Variants in PCDHB5 observed in about 807,000 individuals in gnomAD.
The protein encoded by PCDHB5 is protocadherin beta 5, also known as protocadherin beta-5.
For missense variants in PCDHB5, 1,125 were observed against 1,029.4 expected, an observed-to-expected ratio of 1.09 and a Z score of -1.27; for synonymous variants, 569 against 462.2, an observed-to-expected ratio of 1.23 and a Z score of -2.96.
chr5:141,136,766 T>A lies in PCDHB5; in HGVS notation c.1332T>A (p.Asn444Lys). The change falls in exon 1 of 1, where the codon AAT becomes AAA. Residue 444 changes from asparagine (N) to lysine (K), a missense_variant. Asn to Lys is a moderately conservative substitution (Grantham distance 94, BLOSUM62 0). Transcript: ENST00000231134. ...TAACGGTCCTGGTCTCCGACGTCAATGACAACGCCCCCGCCTTCACCCAAA... is the reference window on the plus strand; with the variant it reads ...TAACGGTCCTGGTCTCCGACGTCAAAGACAACGCCCCCGCCTTCACCCAAA... ...HNITVLVSDV[N>K]DNAPAFTQTS... The A allele has an allele frequency of 6.2e-7, 1 of 1,613,984 alleles. No homozygotes were observed. The highest frequency in any genetic ancestry group is 8.5e-7 in the Non-Finnish European group (1 of 1,180,016).
rs915825027 is a variant in PCDHB5 at position 141,135,422 on chromosome 5, C to A, written c.-13C>A. 2.2e-5 allele frequency: 34 copies of A among 1,563,092 alleles called. No homozygotes were observed. Among genetic ancestry groups the A allele is most frequent in the Non-Finnish European group, 2.9e-5 (33 of 1,152,356 alleles). Reference sequence around the variant, plus strand: ...ACGGAGTTAAACTGCGCCTTCTGGACCGGGTCTGAACAATGGAGACTGCGC... The same window carrying A: ...ACGGAGTTAAACTGCGCCTTCTGGAACGGGTCTGAACAATGGAGACTGCGC... On this transcript the variant is annotated 5_prime_UTR_variant, in exon 1 of 1. Transcript: ENST00000231134.
At position 141,137,466 on chromosome 5, in the gene PCDHB5, G is replaced by T. The variant is rs1563875730; in HGVS notation, c.2032G>T (p.Ala678Ser). 6.2e-7 allele frequency: 1 copy of T among 1,612,510 alleles called. No homozygotes were observed. Residue 678 changes from alanine to serine, a missense_variant, in exon 1 of 1, where the codon GCC becomes TCC. Ala to Ser is a moderately conservative substitution (Grantham distance 99). Transcript: ENST00000231134. Reference protein sequence around the residue: ...PYLPLPEAAPAQAQADSLTVY... With the variant: ...PYLPLPEAAPSQAQADSLTVY... ...CCTGCCGCTGCCGGAGGCGGCCCCG[G>T]CCCAGGCCCAGGCCGACTCGCTCAC...
chr5:141,135,206 A>G lies in PCDHB5; in HGVS notation c.-229A>G. 3 of 486,320 alleles carry G rather than the reference A, an allele frequency of 6.2e-6. No individual in the cohort carries two copies. Among genetic ancestry groups the G allele is most frequent in the Non-Finnish European group, 1.1e-5 (3 of 278,624 alleles). The allele number at this position is 486,320 out of a possible 1,614,324, so 30.1% of individuals were successfully genotyped here. ...AGGACGCCTGGTGGCGCTGCAGGCT[A>G]AGAGTGTGGATAGTGGGCTCTGCGG... On this transcript the variant is annotated 5_prime_UTR_variant, in exon 1 of 1. Coordinates refer to ENST00000231134, the MANE Select transcript of PCDHB5 (RefSeq NM_015669.5).
In PCDHB5 at chr5:141,137,756, G is replaced by A; in HGVS notation, c.2322G>A (p.Leu774=). The change falls in exon 1 of 1, where the codon TTG becomes TTA. Residue 774 remains leucine (L), a synonymous_variant. Coordinates refer to ENST00000231134, the MANE Select transcript of PCDHB5 (RefSeq NM_015669.5). ...TGAAGCCGATTATTCCTAACCTTTT[G>A]CCCCAGGGCGCTGGTGAAGAAATAG... is the stretch of plus-strand genomic sequence containing the variant. ...KFLKPIIPNL[L]PQGAGEEIGK... is the part of the protein sequence containing the mutation. The A allele has an allele frequency of 6.2e-7, 1 of 1,614,122 alleles. No homozygotes were observed. The highest frequency in any genetic ancestry group is 8.5e-7 in the Non-Finnish European group (1 of 1,180,000).
rs782527222 is a variant in PCDHB5, at chr5:141,137,095, A to G, written c.1661A>G (p.Asn554Ser). ...GTGCGCGTGCTGGTGCTGGACGCCAACGACAACTCGCCCTTCGTGCTGTAT... is the reference window on the plus strand; with the variant it reads ...GTGCGCGTGCTGGTGCTGGACGCCAGCGACAACTCGCCCTTCGTGCTGTAT... ...ALVRVLVLDA[N>S]DNSPFVLYPL... is the part of the protein sequence containing the mutation. Residue 554 changes from asparagine (N) to serine (S), a missense_variant, in exon 1 of 1, where the codon AAC (asparagine) becomes AGC (serine). Coordinates refer to ENST00000231134, the MANE Select transcript of PCDHB5 (RefSeq NM_015669.5). The G allele has an allele frequency of 2.5e-6, 4 of 1,611,568 alleles. No homozygotes were observed. Among genetic ancestry groups the G allele is most frequent in the Non-Finnish European group, 3.4e-6 (4 of 1,179,628 alleles).
In PCDHB5 at chr5:141,137,758, C is replaced by G; in HGVS notation, c.2324C>G (p.Pro775Arg). The change falls in exon 1 of 1, where the codon CCC becomes CGC. Residue 775 changes from proline (P) to arginine (R), a missense_variant. Coordinates refer to ENST00000231134, the MANE Select transcript of PCDHB5 (RefSeq NM_015669.5). ...AAGCCGATTATTCCTAACCTTTTGC[C>G]CCAGGGCGCTGGTGAAGAAATAGGG... ...FLKPIIPNLL[P>R]QGAGEEIGKT... is the part of the protein sequence containing the mutation. 1 of 1,614,064 alleles carries G rather than the reference C, an allele frequency of 6.2e-7. No homozygotes were observed. Among genetic ancestry groups the G allele is most frequent in the Non-Finnish European group, 8.5e-7 (1 of 1,179,982 alleles).
chr5:141,135,627 C>T lies in PCDHB5; in HGVS notation c.193C>T (p.Arg65Ter), dbSNP rs782077363. The T allele has an allele frequency of 6.2e-7, 1 of 1,613,878 alleles. No homozygotes were observed. Among genetic ancestry groups the T allele is most frequent in the Non-Finnish European group, 8.5e-7 (1 of 1,179,990 alleles). Reference protein sequence around the residue: ...GVGELATRGARMHYKGNKELL... With the variant: ...GVGELATRGA ...GGGGGAACTGGCCACTCGGGGCGCGCGAATGCATTACAAAGGAAACAAAGA... is the reference window on the plus strand; with the variant it reads ...GGGGGAACTGGCCACTCGGGGCGCGTGAATGCATTACAAAGGAAACAAAGA... Residue 65 changes from arginine to a stop codon, truncating the protein, a stop_gained, in exon 1 of 1, where the codon CGA (arginine) becomes TGA (stop). Coordinates refer to ENST00000231134, the MANE Select transcript of PCDHB5 (RefSeq NM_015669.5). LOFTEE classifies it low-confidence loss of function (END_TRUNC).
rs1394121851 is a variant in PCDHB5 at position 141,135,228 on chromosome 5, G to C, written c.-207G>C. The C allele has an allele frequency of 3.7e-6, 2 of 533,434 alleles. No individual in the cohort carries two copies. The highest frequency in any genetic ancestry group is 3.8e-5 in the African/African-American group (2 of 52,764). 33.0% of individuals were successfully genotyped at this position (533,434 alleles called of 1,614,324 possible). On this transcript the variant is annotated 5_prime_UTR_variant, in exon 1 of 1. Coordinates refer to ENST00000231134, the MANE Select transcript of PCDHB5 (RefSeq NM_015669.5). ...GCTAAGAGTGTGGATAGTGGGCTCTGCGGATAACTCAGACGCCATTAAGCT... is the reference window on the plus strand; with the variant it reads ...GCTAAGAGTGTGGATAGTGGGCTCTCCGGATAACTCAGACGCCATTAAGCT...
rs1426430487 is a variant in PCDHB5, at chr5:141,137,683, A to T, written c.2249A>T (p.Tyr750Phe). ...GGGACCCTATCCCAGAGCTACCACTACGAGGTGTGTTTGACCGGAGACTCA... is the reference window on the plus strand; with the variant it reads ...GGGACCCTATCCCAGAGCTACCACTTCGAGGTGTGTTTGACCGGAGACTCA... ...GTGTLSQSYH[Y>F]EVCLTGDSGA... Residue 750 changes from tyrosine to phenylalanine, a missense_variant, in exon 1 of 1, where the codon TAC becomes TTC. By Grantham distance (22) the Tyr-to-Phe change is conservative (BLOSUM62 3). Coordinates refer to ENST00000231134, the MANE Select transcript of PCDHB5 (RefSeq NM_015669.5). 1.2e-6 allele frequency: 2 copies of T among 1,614,074 alleles called. No homozygotes were observed. The highest frequency in any genetic ancestry group is 1.3e-5 in the African/African-American group (1 of 74,948).
rs1301595439 is a variant in PCDHB5 at position 141,138,102 on chromosome 5, T to C, written c.*280T>C. 2 of 346,102 alleles carry C rather than the reference T, an allele frequency of 5.8e-6. No homozygotes were observed. Among genetic ancestry groups the C allele is most frequent in the East Asian group, 1.0e-4 (2 of 19,548 alleles). The allele number at this position is 346,102 out of a possible 1,614,324, so 21.4% of individuals were successfully genotyped here. ...TATTTGTTGTGATAAACCACCTTAA[T>C]AAAATCAAGTATTAATTTTATTTTC... On this transcript the variant is annotated 3_prime_UTR_variant, in exon 1 of 1. Coordinates refer to ENST00000231134, the MANE Select transcript of PCDHB5 (RefSeq NM_015669.5).
At position 141,138,480 on chromosome 5, in the gene PCDHB5, C is replaced by T. The variant is rs1554276381; in HGVS notation, c.*658C>T. On this transcript the variant is annotated 3_prime_UTR_variant, in exon 1 of 1. Transcript: ENST00000231134. ...TGAAGAGAAAATGAAACATCACTGG[C>T]ACCCCAGGTGCCACACAAATTACTC... is the stretch of plus-strand genomic sequence containing the variant. 6.6e-6 allele frequency: 1 copy of T among 152,236 alleles called. No individual in the cohort carries two copies. Among genetic ancestry groups the T allele is most frequent in the Non-Finnish European group, 1.5e-5 (1 of 68,058 alleles). 9.4% of individuals were successfully genotyped at this position (152,236 alleles called of 1,614,324 possible). A position where few individuals can be genotyped will look rare whatever the true frequency, so the allele number is the denominator to read the frequency against.
Position 141,136,634 on chromosome 5 carries a change from C to T in PCDHB5, c.1200C>T (p.Tyr400=). 4 of 1,614,164 alleles carry T rather than the reference C, an allele frequency of 2.5e-6. No homozygotes were observed. The highest frequency in any genetic ancestry group is 1.7e-6 in the Non-Finnish European group (2 of 1,180,038). Reference sequence around the variant, plus strand: ...TGAAGCCCACATTAAAAAACTTTTACACCCTAGTGACACAGAGAACACTGG... The same window carrying T: ...TGAAGCCCACATTAAAAAACTTTTATACCCTAGTGACACAGAGAACACTGG... ...FLLKPTLKNF[Y]TLVTQRTLDR... is the part of the protein sequence containing the mutation. The change falls in exon 1 of 1, where the codon TAC becomes TAT. Residue 400 remains tyrosine (Y), a synonymous_variant. Coordinates refer to ENST00000231134, the MANE Select transcript of PCDHB5 (RefSeq NM_015669.5).
Position 141,136,812 on chromosome 5 carries a change from CG to C in PCDHB5, c.1379del (p.Arg460GlnfsTer81). ...CCAAACCTCCTACACCCTGTTCGTC[CG>C]AGAGAACAACAGCCCCGCCCTGCAC... is the stretch of plus-strand genomic sequence containing the variant. ...FTQTSYTLFVRENNSPALHIG... is the reference protein window; with the variant it reads ...FTQTSYTLFVXENNSPALHIG... On this transcript the variant is annotated frameshift_variant, in exon 1 of 1. Coordinates refer to ENST00000231134, the MANE Select transcript of PCDHB5 (RefSeq NM_015669.5). LOFTEE classifies it low-confidence loss of function (END_TRUNC). 3 of 1,613,624 alleles carry C rather than the reference CG, an allele frequency of 1.9e-6. No individual in the cohort carries two copies. The highest frequency in any genetic ancestry group is 2.5e-6 in the Non-Finnish European group (3 of 1,180,026).
In PCDHB5 at chr5:141,137,315, G is replaced by C. The variant is rs782436953; in HGVS notation, c.1881G>C (p.Arg627Ser). Residue 627 changes from arginine (R) to serine (S), a missense_variant, in exon 1 of 1, where the codon AGG (arginine) becomes AGC (serine). Transcript: ENST00000231134. ...ACAATGGCGAGGTGCGCACCGCCAG[G>C]CTGCTGAGCGAGCGCGACGCGGCCA... is the stretch of plus-strand genomic sequence containing the variant. ...WAHNGEVRTA[R>S]LLSERDAAKH... 1.9e-6 allele frequency: 3 copies of C among 1,610,062 alleles called. No homozygotes were observed. The highest frequency in any genetic ancestry group is 2.5e-6 in the Non-Finnish European group (3 of 1,179,590).
In PCDHB5 at chr5:141,138,033, T is replaced by C. The variant is rs1364455654; in HGVS notation, c.*211T>C. 3.9e-6 allele frequency: 2 copies of C among 507,888 alleles called. No homozygotes were observed. Among genetic ancestry groups the C allele is most frequent in the East Asian group, 6.5e-5 (2 of 30,902 alleles). The allele number at this position is 507,888 out of a possible 1,614,324, so 31.5% of individuals were successfully genotyped here. Reference sequence around the variant, plus strand: ...TTTACATAGTGTCATTCCAAATCCATGCATGCTGTTGATTTTCCTGAGATT... The same window carrying C: ...TTTACATAGTGTCATTCCAAATCCACGCATGCTGTTGATTTTCCTGAGATT... On this transcript the variant is annotated 3_prime_UTR_variant, in exon 1 of 1. Coordinates refer to ENST00000231134, the MANE Select transcript of PCDHB5 (RefSeq NM_015669.5).
chr5:141,135,752 C>T lies in PCDHB5; in HGVS notation c.318C>T (p.Phe106=). The change falls in exon 1 of 1, where the codon TTC becomes TTT. Residue 106 remains phenylalanine, a synonymous_variant. Coordinates refer to ENST00000231134, the MANE Select transcript of PCDHB5 (RefSeq NM_015669.5). ...CGACAGAACCCTGTATATTGCATTT[C>T]CAGCTCTTACTAGAAAATCCAGTGC... ...CGATEPCILH[F]QLLLENPVQF... The T allele has an allele frequency of 1.2e-6, 2 of 1,614,092 alleles. No homozygotes were observed. The highest frequency in any genetic ancestry group is 1.7e-6 in the Non-Finnish European group (2 of 1,180,006).
chr5:141,137,405 G>A lies in PCDHB5; in HGVS notation c.1971G>A (p.Leu657=), dbSNP rs781929172. 3.7e-6 allele frequency: 6 copies of A among 1,610,660 alleles called. No individual in the cohort carries two copies. The highest frequency in any genetic ancestry group is 1.1e-5 in the South Asian group (1 of 90,922). ...CTCCGCGCTCGGCCACCGCCACGCT[G>A]CACGTGCTCCTGGTGGACGGCTTCT... The part of the protein sequence containing the change: ...GEPPRSATAT[L]HVLLVDGFSQ... Residue 657 remains leucine (L), a synonymous_variant, in exon 1 of 1, where the codon CTG becomes CTA. Transcript: ENST00000231134.
Position 141,137,224 on chromosome 5 carries a change from A to G in PCDHB5, c.1790A>G (p.Gln597Arg), listed in dbSNP as rs782784619. 1 of 1,610,858 alleles carries G rather than the reference A, an allele frequency of 6.2e-7. No homozygotes were observed. The highest frequency in any genetic ancestry group is 8.5e-7 in the Non-Finnish European group (1 of 1,179,630). Residue 597 changes from glutamine to arginine, a missense_variant, in exon 1 of 1, where the codon CAG becomes CGG. Coordinates refer to ENST00000231134, the MANE Select transcript of PCDHB5 (RefSeq NM_015669.5). ...KVVAVDGDSG[Q>R]NAWLSYQLLK... ...GTGGCGGTGGACGGTGACTCGGGCCAGAACGCCTGGCTGTCGTACCAGCTG... is the reference window on the plus strand; with the variant it reads ...GTGGCGGTGGACGGTGACTCGGGCCGGAACGCCTGGCTGTCGTACCAGCTG...
chr5:141,135,226 C>A lies in PCDHB5; in HGVS notation c.-209C>A. ...AGGCTAAGAGTGTGGATAGTGGGCT[C>A]TGCGGATAACTCAGACGCCATTAAG... On this transcript the variant is annotated 5_prime_UTR_variant, in exon 1 of 1. The change creates a new upstream start codon in the 5' untranslated region. Coordinates refer to ENST00000231134, the MANE Select transcript of PCDHB5 (RefSeq NM_015669.5). 1 of 529,292 alleles carries A rather than the reference C, an allele frequency of 1.9e-6. No individual in the cohort carries two copies. Among genetic ancestry groups the A allele is most frequent in the Non-Finnish European group, 3.3e-6 (1 of 302,366 alleles). The allele number at this position is 529,292 out of a possible 1,614,324, so 32.8% of individuals were successfully genotyped here.
Sources: allele counts gnomAD v4.1 joint callset, GRCh38; gene constraint gnomAD v4.1.1; transcripts MANE v1.5; gene names NCBI Gene and HGNC (gene_info 2026-07-23, HGNC 2026-07-21).